IKBKB-DT: variants seen among roughly 807,000 people sequenced by gnomAD.
IKBKB-DT encodes the protein IKBKB antisense RNA.
chr8:42,264,366 G>A (rs566786256), intron 2 of IKBKB-DT, among the ~76,000 whole-genome samples: 20 of 151,714 alleles, frequency 1.3e-4, no homozygotes, highest in African/African-American at 4.4e-4. Context: ...ATATTGCCCA[G>A]GCTGGTCTCA....
intron 3 of IKBKB-DT, among the ~76,000 whole-genome samples, chr8:42,249,994 A>G (rs2976701): frequency 1 from 152,243 of 152,292 alleles, 76,097 homozygotes; most frequent in Middle Eastern, 1. Flanking sequence ...AGATAGAGCC[A>G]ATTTATCAAG....
rs773177896 is a variant in IKBKB-DT at position 42,241,224 on chromosome 8, C to CTTTTTTTTTTTTTTTTTTTT, written n.1530-7385_1530-7366dup. On this transcript the variant is annotated intron_variant and non_coding_transcript_variant, in intron 3 of 3. Coordinates refer to ENST00000518213, the Ensembl canonical transcript of IKBKB-DT. ...TTGATGCCTTTAGATATGTTGGAAT[C>CTTTTTTTTTTTTTTTTTTTT]TTTTTTTTTTTTTTTTTTTTTTTTT... is the stretch of plus-strand genomic sequence containing the variant. Among the ~76,000 whole-genome samples the CTTTTTTTTTTTTTTTTTTTT allele has an allele frequency of 4.4e-4, 20 of 45,694 alleles. 8 individuals are homozygous for CTTTTTTTTTTTTTTTTTTTT. Among genetic ancestry groups the CTTTTTTTTTTTTTTTTTTTT allele is most frequent in the East Asian group, 3.0e-3 (2 of 674 alleles). The allele number at this position is 45,694 out of a possible 152,430, so 30.0% of individuals were successfully genotyped here.
intron 3 of IKBKB-DT, among the ~76,000 whole-genome samples, chr8:42,257,141 C>T (rs147313464): frequency 3.3e-5 from 5 of 152,350 alleles, no homozygotes; most frequent in African/African-American, 1.2e-4. Flanking sequence ...TTTAGTATCA[C>T]TTCTTTTTTA....
At chr8:42,243,798 T>G (rs1807032191) in intron 3 of IKBKB-DT, among the ~76,000 whole-genome samples, 2 of 152,224 alleles carry the variant, frequency 1.3e-5, no homozygotes, top group Admixed American at 6.5e-5. Flanking sequence ...GTTAATCATT[T>G]TAAGAGTCTA....
rs1242161639 is a variant in IKBKB-DT at position 42,247,583 on chromosome 8, G to A, written n.1530-13724C>T. On this transcript the variant is annotated intron_variant and non_coding_transcript_variant, in intron 3 of 3. Transcript: ENST00000518213. ...GCCATGAGATTTGGGAGGGGCCGGA[G>A]CAGAATGATATGGTTAGGCTTTGTG... Among the ~76,000 whole-genome samples, 5 of 152,272 alleles carry A rather than the reference G, an allele frequency of 3.3e-5. No individual in the cohort carries two copies. In the East Asian group the frequency reaches 9.6e-4, roughly 29 times the overall value.
chr8:42,245,512 C>T lies in IKBKB-DT; in HGVS notation n.1530-11653G>A, dbSNP rs1325995229. On this transcript the variant is annotated intron_variant and non_coding_transcript_variant, in intron 3 of 3. Coordinates refer to ENST00000518213, the Ensembl canonical transcript of IKBKB-DT. ...CCACACAGAAATGTGTTGGAGAAGC[C>T]TTTGAGCGGTGGAGAATCACACAGC... 2.6e-5 allele frequency among the ~76,000 whole-genome samples: 4 copies of T among 152,194 alleles called. No individual in the cohort carries two copies. In the East Asian group the frequency reaches 7.7e-4, roughly 29 times the overall value.
intron 3 of IKBKB-DT, among the ~76,000 whole-genome samples, chr8:42,262,323 A>C (rs1390456085): frequency 1.3e-5 from 2 of 151,716 alleles, no homozygotes; most frequent in Admixed American, 1.3e-4. Context: ...CTTTATTTAA[A>C]AAAAAAAAGA....
Position 42,238,024 on chromosome 8 carries a change from CAAAAAAAAAAAAAA to C in IKBKB-DT, n.1530-4179_1530-4166del, listed in dbSNP as rs35087510. Among the ~76,000 whole-genome samples, 58 of 35,250 alleles carry C rather than the reference CAAAAAAAAAAAAAA, an allele frequency of 1.6e-3. 1 individual carries two copies. The highest frequency in any genetic ancestry group is 3.9e-3 in the Admixed American group (8 of 2,036). The allele number at this position is 35,250 out of a possible 152,430, so 23.1% of individuals were successfully genotyped here. ...TGGGCAACAGAGCAAGGCCCTCTCT[CAAAAAAAAAAAAAA>C]AAAAAAAAAAAAAAAAGGACTTTCA... is the stretch of plus-strand genomic sequence containing the variant. On this transcript the variant is annotated intron_variant and non_coding_transcript_variant, in intron 3 of 3. Coordinates refer to ENST00000518213, the Ensembl canonical transcript of IKBKB-DT.
exon 2 of IKBKB-DT, chr8:42,265,774 C>T: frequency 6.6e-6 from 1 of 152,196 alleles, no homozygotes; most frequent in East Asian, 1.9e-4. Flanking sequence ...AAGTGATTTC[C>T]TCCTCTAAGC....
chr8:42,262,380 C>T (rs1211037703), intron 3 of IKBKB-DT, among the ~76,000 whole-genome samples: 2 of 151,382 alleles, frequency 1.3e-5, no homozygotes, highest in Admixed American at 1.3e-4. Context: ...TACCTTCCTC[C>T]CCTGACTGAC....
intron 3 of IKBKB-DT, among the ~76,000 whole-genome samples, chr8:42,256,057 A>T (rs1585465917): frequency 6.6e-6 from 1 of 151,994 alleles, no homozygotes; most frequent in East Asian, 1.9e-4. Flanking sequence ...AAAAGAAAAT[A>T]ACTATATAGT....
At chr8:42,251,842 A>G (rs948022839) in intron 3 of IKBKB-DT, among the ~76,000 whole-genome samples, 5 of 151,494 alleles carry the variant, frequency 3.3e-5, no homozygotes, top group African/African-American at 1.2e-4. Context: ...AAAAAAAAAA[A>G]AGAAAAGAAA....
At chr8:42,258,273 T>TTC (rs747824450) in intron 3 of IKBKB-DT, among the ~76,000 whole-genome samples, 61 of 152,172 alleles carry the variant, frequency 4.0e-4, no homozygotes, top group Admixed American at 1.4e-3. Context: ...TCACACAAGA[T>TTC]TCTCTCTCTC....
intron 3 of IKBKB-DT, among the ~76,000 whole-genome samples, chr8:42,238,598 C>T (rs1806955423): frequency 6.6e-6 from 1 of 152,184 alleles, no homozygotes; most frequent in South Asian, 2.1e-4. Context: ...GGTTAGGAGT[C>T]ACGGAGCCAG....
exon 1 of IKBKB-DT, chr8:42,271,181 C>G: frequency 1.7e-6 from 1 of 603,086 alleles, no homozygotes; most frequent in Non-Finnish European, 3.0e-6. Context: ...ACGCCACCCC[C>G]GCCCCGGGGG....
chr8:42,253,569 C>G (rs1177136403), intron 3 of IKBKB-DT, among the ~76,000 whole-genome samples: 2 of 152,132 alleles, frequency 1.3e-5, no homozygotes, highest in African/African-American at 4.8e-5. Context: ...AATTGGGGAT[C>G]CAGTCCAGTT....
chr8:42,235,653 C>T (rs1028332866), intron 3 of IKBKB-DT, among the ~76,000 whole-genome samples: 13 of 152,260 alleles, frequency 8.5e-5, no homozygotes, highest in African/African-American at 2.4e-4. Flanking sequence ...CCTACTTTAC[C>T]GGCCTGCCCA....
intron 3 of IKBKB-DT, among the ~76,000 whole-genome samples, chr8:42,236,536 C>T (rs374186957): frequency 1.4e-4 from 21 of 152,256 alleles, no homozygotes; most frequent in Admixed American, 3.3e-4. Context: ...AAGGCCGAGG[C>T]GGGTGGATCA....
At chr8:42,242,535 T>C (rs773124690) in intron 3 of IKBKB-DT, among the ~76,000 whole-genome samples, 1 of 152,186 alleles carries the variant, frequency 6.6e-6, no homozygotes, top group African/African-American at 2.4e-5. Flanking sequence ...GGTATATTAA[T>C]TGTAGCTGAG....
Sources: allele counts gnomAD v4.1 joint callset (sites outside exome capture counted in the v4.1 genomes callset), GRCh38; gene constraint gnomAD v4.1.1; transcripts MANE v1.5; gene names NCBI Gene and HGNC (gene_info 2026-07-23, HGNC 2026-07-21).